The following ADAM23 variants were observed in gnomAD, a reference collection of about 807,000 sequenced individuals.
ADAM23 encodes ADAM metallopeptidase domain 23.
In ADAM23, 33 loss-of-function variants were observed where a neutral mutation model predicts 120.1. The ratio of observed to expected loss-of-function variants is 0.27; its 90% CI spans 0.21 to 0.37. ADAM23 has a LOEUF of 0.37. ADAM23 is among the 10% of genes least tolerant of loss of function. ADAM23 has a pLI of 1.00. For missense variants in ADAM23, 862 were observed against 1,058.2 expected (o/e 0.81, Z 2.57); for synonymous variants, 367 against 375.2 (o/e 0.98, Z 0.25).
intron 2 of ADAM23, among the ~76,000 whole-genome samples, chr2:206,449,343 A>G (rs1478788433): frequency 6.6e-6 from 1 of 152,236 alleles, no homozygotes; most frequent in Admixed American, 6.5e-5. Flanking sequence ...TTAATGCAAT[A>G]TATTAATAAA....
At position 206,454,299 on chromosome 2, in the gene ADAM23, G is replaced by C. The variant is rs1040888336; in HGVS notation, c.432+8775G>C. On this transcript the variant is annotated intron_variant, in intron 2 of 25. Transcript: ENST00000264377. Reference sequence around the variant, plus strand: ...GCATAGCAGGAAAGAGAGAGAGAGAGAAGTGCCATACACTTTTAAACCATC... The same window carrying C: ...GCATAGCAGGAAAGAGAGAGAGAGACAAGTGCCATACACTTTTAAACCATC... 5.3e-5 allele frequency among the ~76,000 whole-genome samples: 8 copies of C among 152,086 alleles called. No individual in the cohort carries two copies. The East Asian group carries it at 1.5e-3, about 29-fold the overall frequency.
chr2:206,570,288 G>C (rs1697970024), intron 15 of ADAM23, among the ~76,000 whole-genome samples: 1 of 152,062 alleles, frequency 6.6e-6, no homozygotes. Flanking sequence ...TTACTTGATT[G>C]TACATATCAC....
chr2:206,484,174 G>T (rs1258960418), intron 3 of ADAM23, among the ~76,000 whole-genome samples: 1 of 152,170 alleles, frequency 6.6e-6, no homozygotes, highest in Non-Finnish European at 1.5e-5. Context: ...TGAAGCTGTA[G>T]GGTGTGTGCA....
chr2:206,542,858 C>T (rs1390610583), intron 5 of ADAM23, among the ~76,000 whole-genome samples: 1 of 152,116 alleles, frequency 6.6e-6, no homozygotes, highest in Non-Finnish European at 1.5e-5. Flanking sequence ...AATCTGTTTT[C>T]TTACAGATGA....
rs116639687 is a variant in ADAM23, at chr2:206,584,780, T to C, written c.1738-2545T>C. On this transcript the variant is annotated intron_variant, in intron 18 of 25. Transcript: ENST00000264377. ...AGGCTTCTCGCCCAGTTCAAATTGT[T>C]AAAAAGTTCAGCTAGAGAATTCCTT... 6.8e-3 allele frequency among the ~76,000 whole-genome samples: 1,032 copies of C among 152,330 alleles called. 18 individuals carry two copies. Among genetic ancestry groups the C allele is most frequent in the African/African-American group, 0.024 (992 of 41,578 alleles).
rs543361938 is a variant in ADAM23 at position 206,468,481 on chromosome 2, G to A, written c.433-12751G>A. 2.6e-5 allele frequency among the ~76,000 whole-genome samples: 4 copies of A among 152,260 alleles called. No homozygotes were observed. In the South Asian group the frequency reaches 6.2e-4, roughly 24 times the overall value. The stretch of plus-strand genomic sequence containing the variant: ...ACAGTCCAGCCAAAGTATAATAAAA[G>A]TGACCTTTGCTATAGTTCCCAATAA... On this transcript the variant is annotated intron_variant, in intron 2 of 25. Transcript: ENST00000264377.
At chr2:206,616,881 C>G (rs1698943529) in intron 25 of ADAM23, among the ~76,000 whole-genome samples, 1 of 152,150 alleles carries the variant, frequency 6.6e-6, no homozygotes, top group Non-Finnish European at 1.5e-5. Flanking sequence ...ATAGGAGCCA[C>G]TTTTTAGGAG....
intron 4 of ADAM23, among the ~76,000 whole-genome samples, chr2:206,533,720 A>G (rs1697119100): frequency 6.6e-6 from 1 of 152,208 alleles, no homozygotes; most frequent in African/African-American, 2.4e-5. Context: ...CCCCTCTCTC[A>G]TTCTTACTTC....
At chr2:206,526,549 A>C (rs577099522) in intron 3 of ADAM23, among the ~76,000 whole-genome samples, 13 of 152,282 alleles carry the variant, frequency 8.5e-5, no homozygotes, top group African/African-American at 3.1e-4. Flanking sequence ...TGTGGCTTCC[A>C]GGGTTGCCAT....
intron 3 of ADAM23, among the ~76,000 whole-genome samples, chr2:206,512,655 C>CT (rs1328387370): frequency 2.0e-5 from 3 of 151,376 alleles, no homozygotes; most frequent in East Asian, 1.9e-4. Context: ...CTGAAAAAGA[C>CT]TTTTTTTTTG....
At chr2:206,500,344 C>T (rs1696361787) in intron 3 of ADAM23, among the ~76,000 whole-genome samples, 1 of 152,092 alleles carries the variant, frequency 6.6e-6, no homozygotes, top group Admixed American at 6.6e-5. Context: ...AAAAATAACA[C>T]AATTCCTTAG....
intron 2 of ADAM23, among the ~76,000 whole-genome samples, chr2:206,464,572 C>CAAAAA (rs201816820): frequency 2.6e-3 from 361 of 140,432 alleles, no homozygotes; most frequent in Admixed American, 3.9e-3. Flanking sequence ...GAGACTGTCT[C>CAAAAA]AAAAAAAAAA....
In ADAM23 at chr2:206,443,928, C is replaced by T. The variant is rs1219602724; in HGVS notation, c.62C>T (p.Ala21Val). ...PPLAGCSLAG[A>V]SCGPQRGPAG... is the part of the protein sequence containing the mutation. Reference sequence around the variant, plus strand: ...CTGGCGGGCTGCAGCCTTGCCGGCGCTTCCTGCGGCCCCCAACGCGGCCCC... The same window carrying T: ...CTGGCGGGCTGCAGCCTTGCCGGCGTTTCCTGCGGCCCCCAACGCGGCCCC... The change falls in exon 1 of 26, where the codon GCT (alanine) becomes GTT (valine). Residue 21 changes from alanine (A) to valine (V), a missense_variant. Coordinates refer to ENST00000264377, the MANE Select transcript of ADAM23 (RefSeq NM_003812.4). The T allele has an allele frequency of 1.9e-5, 24 of 1,233,036 alleles. No individual in the cohort carries two copies. The highest frequency in any genetic ancestry group is 2.3e-5 in the Non-Finnish European group (23 of 991,944). The allele number at this position is 1,233,036 out of a possible 1,614,324, so 76.4% of individuals were successfully genotyped here.
intron 2 of ADAM23, 102 bp from the exon 3 acceptor site, chr2:206,481,130 C>A: frequency 1.3e-6 from 1 of 792,626 alleles, no homozygotes; most frequent in Non-Finnish European, 1.9e-6. Flanking sequence ...AGGAAATGAA[C>A]TGATACATAA....
At chr2:206,475,865 A>G (rs1695763421) in intron 2 of ADAM23, among the ~76,000 whole-genome samples, 1 of 152,122 alleles carries the variant, frequency 6.6e-6, no homozygotes, top group Admixed American at 6.6e-5. Flanking sequence ...TCTATTGAAA[A>G]ACTGTAAAGG....
intron 7 of ADAM23, 78 bp downstream of exon 7, chr2:206,547,579 G>A (rs1353556493): frequency 1.6e-6 from 2 of 1,266,582 alleles, no homozygotes; most frequent in Non-Finnish European, 2.2e-6. Context: ...AGATATGCAG[G>A]CTTGTTGGAA....
At chr2:206,477,897 A>AAAAAAAAAAAAAAATATATATATATATAT (rs374524658) in intron 2 of ADAM23, among the ~76,000 whole-genome samples, 1 of 93,604 alleles carries the variant, frequency 1.1e-5, no homozygotes, top group African/African-American at 5.2e-5. Flanking sequence ...AAAAAAAAAA[A>AAAAAAAAAAAAAAATATATATATATATAT]ATATATATAT....
At chr2:206,530,855 A>G in intron 3 of ADAM23, 30 bp from the exon 4 acceptor site, 1 of 1,602,556 alleles carries the variant, frequency 6.2e-7, no homozygotes, top group Non-Finnish European at 8.5e-7. Flanking sequence ...TCTTAGATGC[A>G]GAAATCACTC....
At chr2:206,511,850 A>C (rs1479864400) in intron 3 of ADAM23, among the ~76,000 whole-genome samples, 2 of 152,174 alleles carry the variant, frequency 1.3e-5, no homozygotes, top group African/African-American at 4.8e-5. Context: ...CTGTGCAAGG[A>C]ATCCAAATAA....
Sources: allele counts gnomAD v4.1 joint callset (sites outside exome capture counted in the v4.1 genomes callset), GRCh38; gene constraint gnomAD v4.1.1; transcripts MANE v1.5; gene names NCBI Gene and HGNC (gene_info 2026-07-23, HGNC 2026-07-21).